The following GFRA1 variants were observed in gnomAD, a reference collection of about 807,000 sequenced individuals.
GFRA1 encodes GDNF family receptor alpha 1, also known as GDNF family receptor alpha-1.
GFRA1 carries 16 observed loss-of-function variants against 51.6 expected under a neutral mutation model. The ratio of observed to expected loss-of-function variants is 0.31; its 90% CI spans 0.21 to 0.47. The LOEUF (loss-of-function observed/expected upper bound fraction) is 0.47, where lower values mean the gene tolerates loss of function less well. GFRA1 is among the 20% of genes least tolerant of loss of function. The probability of loss-of-function intolerance (pLI) is 1.00; values close to 1 mark genes in which losing one functional copy is unlikely to be tolerated. For synonymous variants in GFRA1, 270 were observed against 241.3 expected (o/e 1.12, Z -1.10); for missense variants, 530 against 594.3 (o/e 0.89, Z 1.13).
At chr10:116,116,179 C>T (rs979708439) in intron 6 of GFRA1, among the ~76,000 whole-genome samples, 1 of 152,196 alleles carries the variant, frequency 6.6e-6, no homozygotes, top group Non-Finnish European at 1.5e-5. Context: ...ACTGCAGCCT[C>T]CACCTCCCAG....
At chr10:116,217,544 G>A (rs1023970250) in intron 4 of GFRA1, among the ~76,000 whole-genome samples, 3 of 152,228 alleles carry the variant, frequency 2.0e-5, no homozygotes, top group Non-Finnish European at 4.4e-5. Context: ...GAATGCCTAG[G>A]AGGACAGTCA....
At chr10:116,147,698 T>C (rs1225543066) in intron 5 of GFRA1, among the ~76,000 whole-genome samples, 1 of 152,166 alleles carries the variant, frequency 6.6e-6, no homozygotes, top group Non-Finnish European at 1.5e-5. Context: ...ATTTCCTTTA[T>C]GAACCACAGA....
chr10:116,108,316 T>C (rs567263071), intron 6 of GFRA1, among the ~76,000 whole-genome samples: 80 of 152,314 alleles, frequency 5.3e-4, no homozygotes, highest in African/African-American at 1.7e-3. Flanking sequence ...AGATAGGGCA[T>C]TGAGAATATC....
At chr10:116,187,802 T>G (rs972388903) in intron 5 of GFRA1, among the ~76,000 whole-genome samples, 1 of 152,114 alleles carries the variant, frequency 6.6e-6, no homozygotes, top group African/African-American at 2.4e-5. Flanking sequence ...AAAATCTAGA[T>G]GAAGGCAGTG....
intron 4 of GFRA1, among the ~76,000 whole-genome samples, chr10:116,214,102 C>T (rs998025708): frequency 5.2e-5 from 5 of 96,334 alleles, no homozygotes; most frequent in African/African-American, 2.0e-4. Context: ...CCTAAATATA[C>T]CACTTTCACC....
chr10:116,084,206 G>A (rs922626671), intron 9 of GFRA1, among the ~76,000 whole-genome samples: 1 of 152,188 alleles, frequency 6.6e-6, no homozygotes, highest in Non-Finnish European at 1.5e-5. Flanking sequence ...GGGGCAGGAC[G>A]GCTGCCCTCT....
chr10:116,240,517 A>G (rs1427466595), intron 4 of GFRA1, among the ~76,000 whole-genome samples: 1 of 152,226 alleles, frequency 6.6e-6, no homozygotes, highest in African/African-American at 2.4e-5. Context: ...CATTTCTCAA[A>G]AAACAAAGCA....
At chr10:116,135,053 A>G (rs1167574941) in intron 5 of GFRA1, among the ~76,000 whole-genome samples, 2 of 152,164 alleles carry the variant, frequency 1.3e-5, no homozygotes, top group African/African-American at 4.8e-5. Context: ...TTTGTGTTCA[A>G]CTAGCTTTGA....
intron 5 of GFRA1, among the ~76,000 whole-genome samples, chr10:116,181,313 G>T (rs778666596): frequency 5.8e-4 from 88 of 152,228 alleles, no homozygotes; most frequent in Non-Finnish European, 7.9e-4. Flanking sequence ...AGGCCCAGGT[G>T]CTCAGCCTCT....
At chr10:116,137,591 T>C (rs1309073107) in intron 5 of GFRA1, among the ~76,000 whole-genome samples, 5 of 152,128 alleles carry the variant, frequency 3.3e-5, no homozygotes, top group Non-Finnish European at 7.4e-5. Flanking sequence ...TTGTTTCTTC[T>C]GGAAAGATAA....
intron 4 of GFRA1, among the ~76,000 whole-genome samples, chr10:116,258,131 T>G (rs959114937): frequency 6.6e-6 from 1 of 152,158 alleles, no homozygotes; most frequent in Admixed American, 6.6e-5. Context: ...TGTTTATATC[T>G]ATCTCTAAAG....
chr10:116,139,810 G>C (rs1052751876), intron 5 of GFRA1, among the ~76,000 whole-genome samples: 1 of 152,248 alleles, frequency 6.6e-6, no homozygotes, highest in East Asian at 1.9e-4. Context: ...CTCCATCGGA[G>C]CACAGCCTGG....
chr10:116,192,686 C>A (rs1963381058), intron 5 of GFRA1, among the ~76,000 whole-genome samples: 1 of 152,120 alleles, frequency 6.6e-6, no homozygotes, highest in African/African-American at 2.4e-5. Context: ...CTGAGCACAT[C>A]CTCTTAAAAG....
At chr10:116,180,050 A>G (rs1015789651) in intron 5 of GFRA1, among the ~76,000 whole-genome samples, 1 of 152,212 alleles carries the variant, frequency 6.6e-6, no homozygotes, top group East Asian at 1.9e-4. Flanking sequence ...TTGTCAAATG[A>G]ATTAGATTCC....
Position 116,064,283 on chromosome 10 carries a change from G to T in GFRA1, c.*115C>A. 2.3e-6 allele frequency: 2 copies of T among 866,034 alleles called. No homozygotes were observed. Among genetic ancestry groups the T allele is most frequent in the Non-Finnish European group, 3.7e-6 (2 of 538,942 alleles). The allele number at this position is 866,034 out of a possible 1,614,324, so 53.6% of individuals were successfully genotyped here. A position where few individuals can be genotyped will look rare whatever the true frequency, so the allele number is the denominator to read the frequency against. On this transcript the variant is annotated 3_prime_UTR_variant, in exon 11 of 11. Coordinates refer to ENST00000355422, the MANE Select transcript of GFRA1 (RefSeq NM_005264.8). ...AAAAAAAAAAATGTTCCAGTTGAAT[G>T]GAACTGTTTCTCAACTGAGCTCCTA...
rs982326147 is a variant in GFRA1, at chr10:116,181,622, G to A, written c.433+30009C>T. 2.9e-5 allele frequency among the ~76,000 whole-genome samples: 3 copies of A among 102,720 alleles called. No homozygotes were observed. In the East Asian group the frequency reaches 8.9e-4, roughly 31 times the overall value. The allele number at this position is 102,720 out of a possible 152,430, so 67.4% of individuals were successfully genotyped here. A position where few individuals can be genotyped will look rare whatever the true frequency, so the allele number is the denominator to read the frequency against. The stretch of plus-strand genomic sequence containing the variant: ...GAGCTAGCTATATACACAAAAATAT[G>A]AGGTTTTTTTTTGTTGTTTTTTTGT... On this transcript the variant is annotated intron_variant, in intron 5 of 10. Transcript: ENST00000355422.
rs570918962 is a variant in GFRA1, at chr10:116,272,300, A to G, written c.-246-25T>C. 3 of 562,790 alleles carry G rather than the reference A, an allele frequency of 5.3e-6. No homozygotes were observed. Among genetic ancestry groups the G allele is most frequent in the South Asian group, 4.1e-5 (2 of 48,242 alleles). 34.9% of individuals were successfully genotyped at this position (562,790 alleles called of 1,614,324 possible). A position where few individuals can be genotyped will look rare whatever the true frequency, so the allele number is the denominator to read the frequency against. ...CCTGGAAGGGAGGGCGCGCTTTGAG[A>G]TGAGAGCGGAGAGCGCCGGAGACTC... On this transcript the variant is annotated intron_variant, in intron 1 of 10. Coordinates refer to ENST00000355422, the MANE Select transcript of GFRA1 (RefSeq NM_005264.8). This position sits in a 1 kb window ranked among gnomAD's most constrained non-coding sequence, Gnocchi z 4.4.
rs1416647949 is a variant in GFRA1 at position 116,058,040 on chromosome 10, G to GTGTGTGTGTA, written c.*6357_*6358insTACACACACA. 95 of 141,436 alleles carry GTGTGTGTGTA rather than the reference G, an allele frequency of 6.7e-4. No homozygotes were observed. Among genetic ancestry groups the GTGTGTGTGTA allele is most frequent in the African/African-American group, 2.4e-3 (91 of 37,532 alleles). 8.8% of individuals were successfully genotyped at this position (141,436 alleles called of 1,614,324 possible). A position where few individuals can be genotyped will look rare whatever the true frequency, so the allele number is the denominator to read the frequency against. ...TGTGTGTGTGTGTGTGTGTGTGTGT[G>GTGTGTGTGTA]TGACAGAGAGAACCACGCTTTATTG... On this transcript the variant is annotated 3_prime_UTR_variant, in exon 11 of 11. Transcript: ENST00000355422.
At chr10:116,236,213 A>T (rs781692975) in intron 4 of GFRA1, among the ~76,000 whole-genome samples, 5 of 152,106 alleles carry the variant, frequency 3.3e-5, no homozygotes, top group African/African-American at 1.2e-4. Flanking sequence ...ATGGTGCCCA[A>T]GGGGGACCTG....
Sources: gnomAD v4.1 joint callset for allele counts (sites outside exome capture counted in the v4.1 genomes callset) on GRCh38, gnomAD v4.1.1 for gene constraint, Gnocchi (gnomAD v3.1) non-coding constraint, MANE v1.5 for transcripts, NCBI Gene and HGNC (gene_info 2026-07-23, HGNC 2026-07-21) for gene names.